Variants in IGF2BP2 observed in about 807,000 individuals in gnomAD.
IGF2BP2 encodes insulin like growth factor 2 mRNA binding protein 2, also known as insulin-like growth factor 2 mRNA-binding protein 2.
A neutral mutation model predicts 75.8 loss-of-function variants in IGF2BP2; 17 were observed. The observed-to-expected ratio is 0.22, with a 90% CI of 0.15 to 0.34. The LOEUF (loss-of-function observed/expected upper bound fraction) is 0.34. Ranked by LOEUF, IGF2BP2 falls within the 10% of genes least tolerant of loss-of-function variation. The pLI is 1.00. For synonymous variants in IGF2BP2, 288 were observed against 295.6 expected (o/e 0.97, Z 0.26); for missense variants, 516 against 772.4 (o/e 0.67, Z 3.93).
At chr3:185,749,372 A>G (rs1730668684) in intron 2 of IGF2BP2, among the ~76,000 whole-genome samples, 2 of 152,216 alleles carry the variant, frequency 1.3e-5, no homozygotes, top group Admixed American at 1.3e-4. Flanking sequence ...TGAAGATTCA[A>G]CTCACTTAGA....
intron 2 of IGF2BP2, among the ~76,000 whole-genome samples, chr3:185,714,308 C>T (rs905760659): frequency 6.6e-6 from 1 of 152,184 alleles, no homozygotes; most frequent in Non-Finnish European, 1.5e-5. Flanking sequence ...CTGATGGACA[C>T]AAGATGTTTC....
chr3:185,771,286 T>TA (rs1019251261), intron 2 of IGF2BP2, among the ~76,000 whole-genome samples: 3 of 151,656 alleles, frequency 2.0e-5, no homozygotes, highest in Non-Finnish European at 4.4e-5. Context: ...ACTAAAAATA[T>TA]AAAAAATAGC....
chr3:185,809,606 G>C (rs531821133), intron 2 of IGF2BP2, among the ~76,000 whole-genome samples: 2 of 152,016 alleles, frequency 1.3e-5, no homozygotes, highest in African/African-American at 4.8e-5. Flanking sequence ...CCCTAGCCTG[G>C]GTAACAGAGT....
intron 2 of IGF2BP2, among the ~76,000 whole-genome samples, chr3:185,710,090 CAAT>C (rs1724583062): frequency 6.7e-6 from 1 of 149,062 alleles, no homozygotes; most frequent in Non-Finnish European, 1.5e-5. Flanking sequence ...TTCAATAAAA[CAAT>C]AAAATTAGAG....
intron 14 of IGF2BP2, among the ~76,000 whole-genome samples, chr3:185,648,473 A>AG (rs1713994275): frequency 6.6e-6 from 1 of 151,858 alleles, no homozygotes; most frequent in East Asian, 1.9e-4. Context: ...CAAAAAAAAA[A>AG]AAAAAAAAGC....
chr3:185,730,774 T>A (rs1464242087), intron 2 of IGF2BP2, among the ~76,000 whole-genome samples: 1 of 152,118 alleles, frequency 6.6e-6, no homozygotes, highest in Non-Finnish European at 1.5e-5. Context: ...GTAGTTCTAT[T>A]TTTAGTTCTT....
intron 2 of IGF2BP2, among the ~76,000 whole-genome samples, chr3:185,736,769 G>C (rs947856369): frequency 6.6e-6 from 1 of 152,162 alleles, no homozygotes; most frequent in African/African-American, 2.4e-5. Context: ...CTGCGATGTC[G>C]GACTGCACAA....
chr3:185,699,713 A>G (rs1185412946), intron 2 of IGF2BP2, among the ~76,000 whole-genome samples: 1 of 152,158 alleles, frequency 6.6e-6, no homozygotes, highest in Non-Finnish European at 1.5e-5. Context: ...TATTCTTGAG[A>G]TCTTCCTCAA....
In IGF2BP2 at chr3:185,652,262, G is replaced by T. The variant is rs980543345; in HGVS notation, c.1387-94C>A. On this transcript the variant is annotated intron_variant, in intron 12 of 15. Transcript: ENST00000382199. Reference sequence around the variant, plus strand: ...TGGACGGCAAGCATACCAGCAGGAGGTTCCAGGTCTTGCTTCTGCCGTTAC... The same window carrying T: ...TGGACGGCAAGCATACCAGCAGGAGTTTCCAGGTCTTGCTTCTGCCGTTAC... The T allele has an allele frequency of 2.8e-5, 30 of 1,053,100 alleles. No individual in the cohort carries two copies. The African/African-American group carries it at 3.3e-4, about 12-fold the overall frequency. The allele number at this position is 1,053,100 out of a possible 1,614,324, so 65.2% of individuals were successfully genotyped here. A position where few individuals can be genotyped will look rare whatever the true frequency, so the allele number is the denominator to read the frequency against.
chr3:185,686,746 T>C (rs1174313553), intron 7 of IGF2BP2, among the ~76,000 whole-genome samples: 4 of 152,148 alleles, frequency 2.6e-5, no homozygotes, highest in Non-Finnish European at 5.9e-5. Flanking sequence ...ATATAGAACA[T>C]TTCTATCATT....
chr3:185,687,626 A>G (rs1359023156), intron 6 of IGF2BP2, among the ~76,000 whole-genome samples: 1 of 152,258 alleles, frequency 6.6e-6, no homozygotes, highest in Non-Finnish European at 1.5e-5. Flanking sequence ...ACCAAATTCA[A>G]GCAAGCTTTA....
At chr3:185,701,419 A>C (rs1723295550) in intron 2 of IGF2BP2, among the ~76,000 whole-genome samples, 1 of 151,398 alleles carries the variant, frequency 6.6e-6, no homozygotes. Context: ...ACCAAGCCTC[A>C]TTTTCTCCAT....
In IGF2BP2 at chr3:185,689,489, G is replaced by A. The variant is rs370374613; in HGVS notation, c.543C>T (p.His181=). Residue 181 remains histidine, a synonymous_variant, in exon 6 of 16, where the codon CAC becomes CAT. Coordinates refer to ENST00000382199, the MANE Select transcript of IGF2BP2 (RefSeq NM_006548.6). ...TGGCCTGAGAAGTGCCCCCAGGGGC[G>A]TGGCCTTGCTCCCGGGAAGAGTGGT... The part of the protein sequence containing the change: ...RGDHSSREQG[H]APGGTSQARQ... 5.4e-5 allele frequency: 87 copies of A among 1,613,820 alleles called. No homozygotes were observed. Among genetic ancestry groups the A allele is most frequent in the Admixed American group, 6.7e-5 (4 of 59,976 alleles).
In IGF2BP2 at chr3:185,685,719, G is replaced by T. The variant is rs181018025; in HGVS notation, c.812+1338C>A. 3.6e-3 allele frequency among the ~76,000 whole-genome samples: 552 copies of T among 152,240 alleles called. 4 individuals are homozygous for T. The highest frequency in any genetic ancestry group is 0.011 in the South Asian group (54 of 4,806). ...GCTGGAGTGTGGTGATGCAATCATA[G>T]CTCATTGCTCAAATTCTTAGGCTCA... On this transcript the variant is annotated intron_variant, in intron 7 of 15. Transcript: ENST00000382199.
intron 8 of IGF2BP2, 115 bp downstream of exon 8, chr3:185,675,676 T>C: frequency 7.6e-7 from 1 of 1,317,552 alleles, no homozygotes; most frequent in East Asian, 2.3e-5. Context: ...TGGAGATAAT[T>C]GCATCACTTA....
At chr3:185,649,270 G>T in intron 14 of IGF2BP2, 133 bp downstream of exon 14, 1 of 1,200,986 alleles carries the variant, frequency 8.3e-7, no homozygotes, top group Non-Finnish European at 1.2e-6. Context: ...TGCCAGGAGA[G>T]CCTTAGTTTA....
At chr3:185,650,442 C>A (rs948799388) in intron 13 of IGF2BP2, among the ~76,000 whole-genome samples, 3 of 151,972 alleles carry the variant, frequency 2.0e-5, no homozygotes, top group Admixed American at 6.6e-5. Context: ...TTTGGAAGGT[C>A]GAGGTGGACA....
intron 2 of IGF2BP2, among the ~76,000 whole-genome samples, chr3:185,719,300 C>T (rs1726141362): frequency 6.6e-6 from 1 of 152,136 alleles, no homozygotes; most frequent in African/African-American, 2.4e-5. Flanking sequence ...AACTGTAAGA[C>T]ACTGCATATC....
At chr3:185,765,961 G>A (rs1732986236) in intron 2 of IGF2BP2, among the ~76,000 whole-genome samples, 1 of 152,240 alleles carries the variant, frequency 6.6e-6, no homozygotes, top group Non-Finnish European at 1.5e-5. Flanking sequence ...GTGGGCATGG[G>A]TATGGGAATG....
Sources: allele counts gnomAD v4.1 joint callset (sites outside exome capture counted in the v4.1 genomes callset), GRCh38; gene constraint gnomAD v4.1.1; transcripts MANE v1.5; gene names NCBI Gene and HGNC (gene_info 2026-07-23, HGNC 2026-07-21).